The following CNTN4 variants were observed in gnomAD, a reference collection of about 807,000 sequenced individuals.
CNTN4 encodes contactin 4.
Under a neutral mutation model 122.5 loss-of-function variants are expected in CNTN4, and 77 were observed. That is an observed-to-expected ratio of 0.63 (90% CI 0.52 to 0.76). The LOEUF is 0.76. CNTN4 is among the 30% of genes least tolerant of loss of function. The pLI is 0.00. For missense variants in CNTN4, 1,256 were observed against 1,259.1 expected (o/e 1.00, Z 0.04); for synonymous variants, 512 against 447.0 (o/e 1.15, Z -1.83).
chr3:2,900,801 G>A lies in CNTN4; in HGVS notation c.1057G>A (p.Gly353Ser). The change falls in exon 11 of 25, where the codon GGC becomes AGC. Residue 353 changes from glycine (G) to serine (S), a missense_variant. Gly to Ser is a moderately conservative substitution (Grantham distance 56, BLOSUM62 0). Coordinates refer to ENST00000418658, the MANE Select transcript of CNTN4 (RefSeq NM_175607.3). ...GCCTACATACAAGTGGCTAAAAAAT[G>A]GCGAACCTCTGCTAACTCGGGTAAG... ...PKPTYKWLKN[G>S]EPLLTRDRIQ... 1 of 1,613,878 alleles carries A rather than the reference G, an allele frequency of 6.2e-7. No homozygotes were observed. The highest frequency in any genetic ancestry group is 1.1e-5 in the South Asian group (1 of 91,072).
intron 2 of CNTN4, among the ~76,000 whole-genome samples, chr3:2,215,570 A>T (rs866607571): frequency 1.3e-5 from 2 of 152,120 alleles, no homozygotes; most frequent in South Asian, 4.1e-4. Flanking sequence ...TCTAATTTAT[A>T]TTCCTACCAA....
intron 2 of CNTN4, among the ~76,000 whole-genome samples, chr3:2,202,640 C>T (rs2038151304): frequency 6.6e-6 from 1 of 152,038 alleles, no homozygotes; most frequent in South Asian, 2.1e-4. Flanking sequence ...TCATTCCCTT[C>T]CATTTGCAGA....
At chr3:2,115,623 AT>A (rs1484469674) in intron 2 of CNTN4, among the ~76,000 whole-genome samples, 1 of 152,240 alleles carries the variant, frequency 6.6e-6, no homozygotes, top group Non-Finnish European at 1.5e-5. Context: ...TTATCTCAGT[AT>A]TCTGCAGAAT....
intron 8 of CNTN4, among the ~76,000 whole-genome samples, chr3:2,868,105 A>T (rs896948122): frequency 5.9e-5 from 9 of 152,294 alleles, no homozygotes; most frequent in Admixed American, 3.3e-4. Flanking sequence ...GAATGACGAG[A>T]CCCATCACAC....
At chr3:2,824,158 TA>T (rs56973508) in intron 7 of CNTN4, among the ~76,000 whole-genome samples, 46,161 of 142,758 alleles carry the variant, frequency 0.32, 7,255 homozygotes, top group East Asian at 0.49. Context: ...CCAAGGCTGT[TA>T]AAAAAAAAAA....
chr3:2,635,996 C>A (rs904099855), intron 4 of CNTN4, among the ~76,000 whole-genome samples: 7 of 152,294 alleles, frequency 4.6e-5, no homozygotes, highest in South Asian at 4.1e-4. Flanking sequence ...TGTTTTCCCA[C>A]ATAAGGTTAC....
intron 3 of CNTN4, among the ~76,000 whole-genome samples, chr3:2,368,416 G>C (rs960133517): frequency 6.6e-6 from 1 of 152,046 alleles, no homozygotes; most frequent in African/African-American, 2.4e-5. Flanking sequence ...GCTGTGTCTA[G>C]CCATTTACGT....
At chr3:2,592,813 C>A (rs1415702615) in intron 4 of CNTN4, among the ~76,000 whole-genome samples, 1 of 152,174 alleles carries the variant, frequency 6.6e-6, no homozygotes, top group Non-Finnish European at 1.5e-5. Flanking sequence ...GGGTTGGTAA[C>A]AAATAAACCA....
intron 3 of CNTN4, among the ~76,000 whole-genome samples, chr3:2,491,146 T>C (rs2076306192): frequency 6.6e-6 from 1 of 152,188 alleles, no homozygotes. Context: ...GTGCCTAATA[T>C]ATCTCTTTTC....
At chr3:2,649,843 T>C (rs1055468594) in intron 4 of CNTN4, among the ~76,000 whole-genome samples, 5 of 151,986 alleles carry the variant, frequency 3.3e-5, no homozygotes, top group South Asian at 4.2e-4. Context: ...TTAAGAAAAT[T>C]TGTGGCTGGG....
intron 2 of CNTN4, among the ~76,000 whole-genome samples, chr3:2,275,378 C>G (rs1431502339): frequency 1.3e-5 from 2 of 152,182 alleles, no homozygotes; most frequent in Admixed American, 1.3e-4. Context: ...ATCCTCATAA[C>G]TATCTTTTAT....
intron 3 of CNTN4, among the ~76,000 whole-genome samples, chr3:2,506,015 C>G (rs746636921): frequency 6.7e-6 from 1 of 149,534 alleles, no homozygotes; most frequent in Non-Finnish European, 1.5e-5. Flanking sequence ...CAGACACTCG[C>G]TTTTTTTTTT....
intron 5 of CNTN4, 116 bp downstream of exon 5, chr3:2,736,457 T>A: frequency 1.8e-6 from 1 of 558,482 alleles, no homozygotes; most frequent in Non-Finnish European, 2.5e-6. Flanking sequence ...TTTATTTTAT[T>A]TTATTTTATA....
intron 3 of CNTN4, among the ~76,000 whole-genome samples, chr3:2,487,570 C>G (rs987932365): frequency 6.6e-6 from 1 of 152,186 alleles, no homozygotes; most frequent in African/African-American, 2.4e-5. Context: ...TTTCCAAATA[C>G]TCTTTAGCAC....
rs543154597 is a variant in CNTN4, at chr3:2,114,842, G to A, written c.-145+14203G>A. ...CCAATATATTTTCTGGCATCATTCC[G>A]TGTTTCTCTCTTGTGAGTGAGGTGC... is the stretch of plus-strand genomic sequence containing the variant. On this transcript the variant is annotated intron_variant, in intron 2 of 24. Transcript: ENST00000418658. Among the ~76,000 whole-genome samples the A allele has an allele frequency of 4.6e-5, 7 of 152,308 alleles. No individual in the cohort carries two copies. In the South Asian group the frequency reaches 6.2e-4, roughly 14 times the overall value.
At chr3:2,132,602 G>A (rs970720070) in intron 2 of CNTN4, among the ~76,000 whole-genome samples, 1 of 152,160 alleles carries the variant, frequency 6.6e-6, no homozygotes, top group African/African-American at 2.4e-5. Context: ...TAGTGATCAT[G>A]CTGTACTCTC....
At chr3:2,427,050 G>T (rs1414521076) in intron 3 of CNTN4, among the ~76,000 whole-genome samples, 3 of 152,006 alleles carry the variant, frequency 2.0e-5, no homozygotes, top group African/African-American at 4.8e-5. Flanking sequence ...TTTTTGAAGG[G>T]TTTTTTGTGT....
chr3:2,238,745 T>TTTTTTTTTTTTTTTTTG (rs1553606665), intron 2 of CNTN4: 4 of 109,186 alleles, frequency 3.7e-5, no homozygotes, highest in African/African-American at 1.4e-4. Flanking sequence ...GTTTTTTTTT[T>TTTTTTTTTTTTTTTTTG]GAGACGGAGT....
chr3:2,699,182 G>T (rs955922471), intron 4 of CNTN4, among the ~76,000 whole-genome samples: 4 of 152,112 alleles, frequency 2.6e-5, no homozygotes, highest in Non-Finnish European at 4.4e-5. Context: ...ACACCCTCAG[G>T]GTATAACTTC....
Sources: allele counts gnomAD v4.1 joint callset (sites outside exome capture counted in the v4.1 genomes callset), GRCh38; gene constraint gnomAD v4.1.1; transcripts MANE v1.5; gene names NCBI Gene and HGNC (gene_info 2026-07-23, HGNC 2026-07-21).